Variants in PCMTD1 observed in about 807,000 individuals in gnomAD.
PCMTD1 encodes protein-L-isoaspartate (D-aspartate) O-methyltransferase domain containing 1.
PCMTD1 carries 12 observed loss-of-function variants against 37.6 expected under a neutral mutation model. That is an observed-to-expected ratio of 0.32 (90% CI 0.20 to 0.52). The LOEUF is 0.52. Ranked by LOEUF, PCMTD1 falls within the 20% of genes least tolerant of loss-of-function variation. The pLI, the probability that PCMTD1 is intolerant of heterozygous loss-of-function variation, is 0.97. For missense variants in PCMTD1, 235 were observed against 421.3 expected, an observed-to-expected ratio of 0.56 and a Z score of 3.87; for synonymous variants, 117 against 135.8, an observed-to-expected ratio of 0.86 and a Z score of 0.96.
At chr8:51,839,741 AT>A in intron 3 of PCMTD1, 1 of 457,754 alleles carries the variant, frequency 2.2e-6, no homozygotes, top group Non-Finnish European at 2.9e-6. Flanking sequence ...TGTTATTGAA[AT>A]TTTAGACAAT....
chr8:51,896,361 T>G (rs1223764840), intron 1 of PCMTD1: 1 of 152,236 alleles, frequency 6.6e-6, no homozygotes, highest in Non-Finnish European at 1.5e-5. Flanking sequence ...GACTACCAAA[T>G]ATTTTAAAAT....
intron 5 of PCMTD1, among the ~76,000 whole-genome samples, chr8:51,830,414 A>T (rs2129275323): frequency 6.6e-6 from 1 of 152,294 alleles, no homozygotes; most frequent in East Asian, 1.9e-4. Context: ...CCTATTTCCA[A>T]ATTATGCCAC....
chr8:51,891,696 G>GTGTA (rs1554527762), intron 1 of PCMTD1, among the ~76,000 whole-genome samples: 6 of 142,758 alleles, frequency 4.2e-5, no homozygotes, highest in Middle Eastern at 3.7e-3. Flanking sequence ...ACATATATAT[G>GTGTA]TATATATATA....
chr8:51,842,628 T>C (rs374802775), intron 3 of PCMTD1, among the ~76,000 whole-genome samples: 4 of 152,084 alleles, frequency 2.6e-5, no homozygotes, highest in African/African-American at 7.2e-5. Context: ...CCAGCCTATA[T>C]TTGTATTCTT....
At chr8:51,828,234 AT>A (rs1295548572) in intron 5 of PCMTD1, among the ~76,000 whole-genome samples, 1 of 152,068 alleles carries the variant, frequency 6.6e-6, no homozygotes, top group Non-Finnish European at 1.5e-5. Flanking sequence ...GTGTCAGAAA[AT>A]TTTTTTCATT....
rs2037779366 is a variant in PCMTD1, at chr8:51,817,736, T to C, written c.*2615A>G. On this transcript the variant is annotated 3_prime_UTR_variant, in exon 6 of 6. Coordinates refer to ENST00000522514, the MANE Select transcript of PCMTD1 (RefSeq NM_052937.4). ...ATGTATGCTATTTTAATAACATTTT[T>C]CTTTATTAATACTAGAACCAAATAT... is the stretch of plus-strand genomic sequence containing the variant. 3 of 392,600 alleles carry C rather than the reference T, an allele frequency of 7.6e-6. No individual in the cohort carries two copies. Among genetic ancestry groups the C allele is most frequent in the South Asian group, 3.9e-5 (2 of 51,690 alleles). 24.3% of individuals were successfully genotyped at this position (392,600 alleles called of 1,614,324 possible).
At chr8:51,883,794 G>C (rs1476670281) in intron 1 of PCMTD1, among the ~76,000 whole-genome samples, 1 of 152,144 alleles carries the variant, frequency 6.6e-6, no homozygotes, top group Non-Finnish European at 1.5e-5. Flanking sequence ...AAAATCAGTC[G>C]TATTATGTTG....
At chr8:51,898,885 C>T (rs1340182700) in intron 1 of PCMTD1, 45 bp downstream of exon 1, 6 of 1,272,738 alleles carry the variant, frequency 4.7e-6, no homozygotes, top group Non-Finnish European at 5.9e-6. Flanking sequence ...GCACGCGGGA[C>T]TCGCACACCC....
intron 1 of PCMTD1, among the ~76,000 whole-genome samples, chr8:51,885,880 T>A (rs2038858993): frequency 6.6e-6 from 1 of 152,214 alleles, no homozygotes; most frequent in Admixed American, 6.5e-5. Flanking sequence ...AAAAACACTT[T>A]CAAAGATAGC....
intron 1 of PCMTD1, among the ~76,000 whole-genome samples, chr8:51,894,844 T>G (rs2038978527): frequency 6.6e-6 from 1 of 152,008 alleles, no homozygotes; most frequent in South Asian, 2.1e-4. Context: ...GGATGACCTT[T>G]TGATTTTGAG....
Position 51,899,024 on chromosome 8 carries a change from G to A in PCMTD1, c.-190C>T. 3 of 1,511,644 alleles carry A rather than the reference G, an allele frequency of 2.0e-6. No individual in the cohort carries two copies. The highest frequency in any genetic ancestry group is 2.6e-5 in the East Asian group (1 of 38,450). 93.6% of individuals were successfully genotyped at this position (1,511,644 alleles called of 1,614,324 possible). ...CTACCACCACAATAACAACACGGACGCCACCGCCGAGTGGAGAGGCGGGGC... is the reference window on the plus strand; with the variant it reads ...CTACCACCACAATAACAACACGGACACCACCGCCGAGTGGAGAGGCGGGGC... On this transcript the variant is annotated 5_prime_UTR_variant, in exon 1 of 6. Transcript: ENST00000522514.
chr8:51,839,587 G>C, intron 3 of PCMTD1: 1 of 985,360 alleles, frequency 1.0e-6, no homozygotes, highest in Non-Finnish European at 1.2e-6. Context: ...GGGTGACCTA[G>C]CCTTGCCCTG....
intron 2 of PCMTD1, among the ~76,000 whole-genome samples, chr8:51,852,124 TAACACCACA>T (rs1357425635): frequency 6.6e-6 from 1 of 152,174 alleles, no homozygotes; most frequent in African/African-American, 2.4e-5. Context: ...CCAATAAGAT[TAACACCACA>T]CTTTTATTGC....
intron 2 of PCMTD1, among the ~76,000 whole-genome samples, chr8:51,855,203 A>C (rs56394995): frequency 0.13 from 18,523 of 140,102 alleles, 2,374 homozygotes; most frequent in African/African-American, 0.31. Context: ...ACAAAAAAAA[A>C]ACATAATTTA....
At chr8:51,889,457 T>C (rs2038907939) in intron 1 of PCMTD1, among the ~76,000 whole-genome samples, 1 of 152,172 alleles carries the variant, frequency 6.6e-6, no homozygotes. Flanking sequence ...CTTAAGCTTT[T>C]ACAGCTAGTA....
chr8:51,899,125 C>G (rs1338468213), upstream of PCMTD1: 1 of 1,407,824 alleles, frequency 7.1e-7, no homozygotes, highest in African/African-American at 1.5e-5. Flanking sequence ...CAGAGAACCA[C>G]GGGCACAGGG....
chr8:51,853,400 C>T (rs1172641912), intron 2 of PCMTD1, among the ~76,000 whole-genome samples: 1 of 152,104 alleles, frequency 6.6e-6, no homozygotes, highest in Non-Finnish European at 1.5e-5. Context: ...AAAACAAAGA[C>T]AATTCTGTAG....
intron 5 of PCMTD1, 107 bp downstream of exon 5, chr8:51,831,337 A>T: frequency 8.8e-7 from 1 of 1,141,584 alleles, no homozygotes; most frequent in Non-Finnish European, 1.2e-6. Context: ...CAAATATCTT[A>T]CTGCATAAGT....
intron 1 of PCMTD1, among the ~76,000 whole-genome samples, chr8:51,884,767 G>T (rs1236999173): frequency 6.6e-6 from 1 of 152,146 alleles, no homozygotes; most frequent in Non-Finnish European, 1.5e-5. Context: ...GCCTCTCTAT[G>T]AACATCTTTC....
Sources: gnomAD v4.1 joint callset for allele counts (sites outside exome capture counted in the v4.1 genomes callset) on GRCh38, gnomAD v4.1.1 for gene constraint, MANE v1.5 for transcripts, NCBI Gene and HGNC (gene_info 2026-07-23, HGNC 2026-07-21) for gene names.